Variants in BMPR1B observed in about 807,000 individuals in gnomAD.
BMPR1B encodes the protein bone morphogenetic protein receptor type 1B.
BMPR1B carries 12 observed loss-of-function variants against 59.1 expected under a neutral mutation model. The ratio of observed to expected loss-of-function variants is 0.20; its 90% CI spans 0.13 to 0.33. BMPR1B has a LOEUF of 0.33. Among genes scored for constraint, BMPR1B ranks in the 10% least tolerant of loss-of-function variants. BMPR1B has a pLI of 1.00. For missense variants in BMPR1B, 550 were observed against 610.9 expected, an observed-to-expected ratio of 0.90 and a Z score of 1.05; for synonymous variants, 237 against 207.3, an observed-to-expected ratio of 1.14 and a Z score of -1.23.
At chr4:94,968,757 A>G (rs1350239697) in intron 2 of BMPR1B, among the ~76,000 whole-genome samples, 6 of 152,116 alleles carry the variant, frequency 3.9e-5, no homozygotes, top group African/African-American at 4.8e-5. Context: ...GAGTTTTACC[A>G]TTGGTAGCAT....
rs1411057896 is a variant in BMPR1B at position 95,084,279 on chromosome 4, T to C, written c.-17-20129T>C. Among the ~76,000 whole-genome samples, 6 of 151,544 alleles carry C rather than the reference T, an allele frequency of 4.0e-5. No individual in the cohort carries two copies. In the East Asian group the frequency reaches 1.2e-3, roughly 29 times the overall value. On this transcript the variant is annotated intron_variant, in intron 3 of 12. Transcript: ENST00000515059. ...TTATATATTCAGTACTCTGTGTATG[T>C]ACATGATCTATACATATCTTTATAA...
chr4:94,877,960 G>A (rs976709169), intron 2 of BMPR1B, among the ~76,000 whole-genome samples: 1 of 151,814 alleles, frequency 6.6e-6, no homozygotes. Context: ...ACATGTGTGC[G>A]TGTGTGTGTG....
At chr4:94,875,161 A>G (rs1279598421) in intron 1 of BMPR1B, among the ~76,000 whole-genome samples, 1 of 152,182 alleles carries the variant, frequency 6.6e-6, no homozygotes, top group East Asian at 1.9e-4. Context: ...ATGGAATATT[A>G]TATTTTCTCT....
At chr4:94,795,763 T>C (rs1343026063) in intron 1 of BMPR1B, among the ~76,000 whole-genome samples, 2 of 151,892 alleles carry the variant, frequency 1.3e-5, no homozygotes, top group Admixed American at 6.6e-5. Flanking sequence ...CTGTCCACCC[T>C]GGATTAATGT....
chr4:95,086,283 G>A (rs6532530), intron 3 of BMPR1B, among the ~76,000 whole-genome samples: 102,114 of 151,936 alleles, frequency 0.67, 34,462 homozygotes, highest in South Asian at 0.73. Context: ...GTTTTGAATG[G>A]CAAATACAAT....
chr4:94,986,525 A>T (rs902388788), intron 2 of BMPR1B, among the ~76,000 whole-genome samples: 2 of 152,198 alleles, frequency 1.3e-5, no homozygotes, highest in African/African-American at 4.8e-5. Flanking sequence ...TATAGAAGTG[A>T]GATTTTTCAT....
chr4:95,033,304 C>CTT (rs70946581), intron 3 of BMPR1B, among the ~76,000 whole-genome samples: 1 of 147,562 alleles, frequency 6.8e-6, no homozygotes, highest in East Asian at 2.0e-4. Flanking sequence ...TCCAGTTTAT[C>CTT]TTTTTTTTTT....
intron 3 of BMPR1B, among the ~76,000 whole-genome samples, chr4:95,031,473 G>T (rs1724850809): frequency 6.6e-6 from 1 of 151,970 alleles, no homozygotes; most frequent in Admixed American, 6.6e-5. Flanking sequence ...TTTGAGACAG[G>T]GTCTTGCTGA....
intron 1 of BMPR1B, among the ~76,000 whole-genome samples, chr4:94,824,125 A>ATG (rs1724303256): frequency 6.6e-6 from 1 of 152,350 alleles, no homozygotes; most frequent in Non-Finnish European, 1.5e-5. Context: ...GTAAAATGAA[A>ATG]TGTTTAATTG....
intron 1 of BMPR1B, among the ~76,000 whole-genome samples, chr4:94,833,449 C>A (rs1240499579): frequency 6.6e-6 from 1 of 152,078 alleles, no homozygotes; most frequent in Non-Finnish European, 1.5e-5. Flanking sequence ...ACACTTTTTT[C>A]TTTTCCTGAT....
At chr4:94,952,914 A>G (rs1730002875) in intron 2 of BMPR1B, among the ~76,000 whole-genome samples, 1 of 152,180 alleles carries the variant, frequency 6.6e-6, no homozygotes, top group South Asian at 2.1e-4. Context: ...GTAGGTCTCT[A>G]AAAACTTATG....
intron 2 of BMPR1B, among the ~76,000 whole-genome samples, chr4:94,903,066 A>G (rs1727892176): frequency 6.6e-6 from 1 of 152,010 alleles, no homozygotes; most frequent in South Asian, 2.1e-4. Flanking sequence ...GTGCTTTTTC[A>G]TAGCCTGTTA....
At chr4:95,005,827 T>C (rs2149115712) in intron 3 of BMPR1B, among the ~76,000 whole-genome samples, 1 of 152,318 alleles carries the variant, frequency 6.6e-6, no homozygotes, top group East Asian at 1.9e-4. Flanking sequence ...TTTCCAGTTG[T>C]AACAGAAACA....
intron 10 of BMPR1B, among the ~76,000 whole-genome samples, chr4:95,136,839 T>C (rs576727946): frequency 1.3e-4 from 20 of 152,298 alleles, no homozygotes; most frequent in African/African-American, 4.6e-4. Flanking sequence ...TTATCAATTT[T>C]GTTGATCTTT....
At chr4:95,038,510 G>A (rs1250930540) in intron 3 of BMPR1B, among the ~76,000 whole-genome samples, 1 of 152,114 alleles carries the variant, frequency 6.6e-6, no homozygotes. Flanking sequence ...ATAATGTTAT[G>A]CAACCAATGT....
At chr4:94,883,518 G>A (rs1197953986) in intron 2 of BMPR1B, among the ~76,000 whole-genome samples, 1 of 151,760 alleles carries the variant, frequency 6.6e-6, no homozygotes, top group East Asian at 1.9e-4. Context: ...CAAAATATTT[G>A]AGGTTGTTTA....
chr4:94,810,293 A>G (rs1327441693), intron 1 of BMPR1B, among the ~76,000 whole-genome samples: 4 of 152,218 alleles, frequency 2.6e-5, no homozygotes, highest in African/African-American at 9.6e-5. Context: ...TGAGTGCCAT[A>G]TTAATCTACT....
intron 1 of BMPR1B, among the ~76,000 whole-genome samples, chr4:94,803,589 G>T (rs545478792): frequency 6.6e-6 from 1 of 152,042 alleles, no homozygotes; most frequent in Non-Finnish European, 1.5e-5. Flanking sequence ...CTCCTAGGTC[G>T]TCTTTATGTA....
chr4:94,873,482 C>A (rs1726585261), intron 1 of BMPR1B, among the ~76,000 whole-genome samples: 1 of 151,520 alleles, frequency 6.6e-6, no homozygotes, highest in Admixed American at 6.6e-5. Context: ...TCTCGGCTCA[C>A]TGCAACTTCT....
Sources: allele counts gnomAD v4.1 joint callset (sites outside exome capture counted in the v4.1 genomes callset), GRCh38; gene constraint gnomAD v4.1.1; transcripts MANE v1.5; gene names NCBI Gene and HGNC (gene_info 2026-07-23, HGNC 2026-07-21).